The following MORN1 variants were observed in gnomAD, a reference collection of about 807,000 sequenced individuals.
The protein encoded by MORN1 is MORN repeat-containing protein 1.
In MORN1, 67 loss-of-function variants were observed where a neutral mutation model predicts 61.9. The ratio of observed to expected loss-of-function variants is 1.08; its 90% CI spans 0.89 to 1.33. The LOEUF (loss-of-function observed/expected upper bound fraction) is 1.33, where lower values mean the gene tolerates loss of function less well. MORN1 is among the 40% of genes most tolerant of loss of function. MORN1 has a pLI of 0.00. For missense variants in MORN1, 752 were observed against 691.2 expected, an observed-to-expected ratio of 1.09 and a Z score of -0.99; for synonymous variants, 301 against 292.0, an observed-to-expected ratio of 1.03 and a Z score of -0.31.
At chr1:2,356,759 T>G (rs1387056593) in intron 10 of MORN1, among the ~76,000 whole-genome samples, 4 of 152,188 alleles carry the variant, frequency 2.6e-5, no homozygotes, top group African/African-American at 9.7e-5. Context: ...CACTGCTCAC[T>G]GCACAGGAGG....
chr1:2,325,140 C>CTCCCTCCCTTCCTTCCTTCCCTTCCT (rs1640986618), intron 12 of MORN1, among the ~76,000 whole-genome samples: 2 of 6,692 alleles, frequency 3.0e-4, no homozygotes, highest in Non-Finnish European at 4.9e-4. Context: ...CCTTCCCTCC[C>CTCCCTCCCTTCCTTCCTTCCCTTCCT]TCCCTCCCTT....
chr1:2,363,374 A>C (rs866468952), intron 8 of MORN1: 4 of 152,190 alleles, frequency 2.6e-5, no homozygotes, highest in African/African-American at 9.7e-5. Context: ...TTCCTCCTCC[A>C]ATACATTTAT....
At chr1:2,344,990 C>T (rs111790280) in intron 10 of MORN1, among the ~76,000 whole-genome samples, 6,079 of 151,816 alleles carry the variant, frequency 0.04, 398 homozygotes, top group African/African-American at 0.14. Flanking sequence ...ACCCTGAAAA[C>T]GGCGTCAGCC....
rs1450671032 is a variant in MORN1, at chr1:2,327,424, A to ACAGAAACACAGCGACG, written c.1251-3297_1251-3282dup. On this transcript the variant is annotated intron_variant, in intron 12 of 13. Transcript: ENST00000378531. ...GAAACAAACACAGAGACACAGAGAC[A>ACAGAAACACAGCGACG]CAGAAACACAGCGACGCAGAAACAC... Among the ~76,000 whole-genome samples, 56 of 152,358 alleles carry ACAGAAACACAGCGACG rather than the reference A, an allele frequency of 3.7e-4. 1 individual carries two copies. Among genetic ancestry groups the ACAGAAACACAGCGACG allele is most frequent in the Middle Eastern group, 3.4e-3 (1 of 294 alleles).
At chr1:2,369,443 T>TA (rs957656902) in intron 8 of MORN1, among the ~76,000 whole-genome samples, 10 of 150,874 alleles carry the variant, frequency 6.6e-5, no homozygotes, top group African/African-American at 2.4e-4. Flanking sequence ...TTGCTGGAGG[T>TA]AATGTAAAAA....
rs780195999 is a variant in MORN1 at position 2,337,335 on chromosome 1, C to T, written c.1037-485G>A. The stretch of plus-strand genomic sequence containing the variant: ...GGCGTCAGGACCCGTTCTCCACAGG[C>T]GTGGAGGGAGACACCGAGGGTGGCT... On this transcript the variant is annotated intron_variant, in intron 10 of 13. Transcript: ENST00000378531. The surrounding 1 kb of genome is among the most constrained non-coding windows in gnomAD (Gnocchi z 5.7). Among the ~76,000 whole-genome samples, 7 of 152,158 alleles carry T rather than the reference C, an allele frequency of 4.6e-5. No individual in the cohort carries two copies. Among genetic ancestry groups the T allele is most frequent in the Non-Finnish European group, 8.8e-5 (6 of 68,008 alleles).
chr1:2,321,997 C>T, intron 13 of MORN1: 1 of 981,660 alleles, frequency 1.0e-6, no homozygotes. Context: ...TTCATTCCCT[C>T]CATAAACTGT....
intron 2 of MORN1, chr1:2,388,609 C>CGAGA: frequency 2.8e-6 from 1 of 350,894 alleles, no homozygotes; most frequent in Non-Finnish European, 5.2e-6. Context: ...GAGACCCCGT[C>CGAGA]TCTACACAAA....
In MORN1 at chr1:2,324,149, G is replaced by A. The variant is rs892827103; in HGVS notation, c.1251-6C>T. 6 of 1,596,348 alleles carry A rather than the reference G, an allele frequency of 3.8e-6. No homozygotes were observed. Among genetic ancestry groups the A allele is most frequent in the South Asian group, 2.3e-5 (2 of 88,390 alleles). On this transcript the variant is annotated splice_region_variant and splice_polypyrimidine_tract_variant and intron_variant, in intron 12 of 13. Coordinates refer to ENST00000378531, the MANE Select transcript of MORN1 (RefSeq NM_024848.3). ...CCGTGGCTCTCCCCTCAGGCCTGTG[G>A]AGACGACACAGTGAGGCCCCTGAAT...
intron 10 of MORN1, among the ~76,000 whole-genome samples, chr1:2,342,164 C>T (rs1355098386): frequency 6.6e-6 from 1 of 152,296 alleles, no homozygotes; most frequent in Non-Finnish European, 1.5e-5. Context: ...AGAGGCTGAG[C>T]CAGCCCGGGA....
Position 2,391,481 on chromosome 1 carries a change from G to A in MORN1, c.53C>T (p.Pro18Leu), listed in dbSNP as rs1238121371. 1.0e-5 allele frequency: 13 copies of A among 1,254,622 alleles called. No individual in the cohort carries two copies. In the East Asian group the frequency reaches 3.5e-4, roughly 33 times the overall value. 77.7% of individuals were successfully genotyped at this position (1,254,622 alleles called of 1,614,324 possible). The change falls in exon 1 of 14, where the codon CCG becomes CTG. Residue 18 changes from proline to leucine, a missense_variant. Coordinates refer to ENST00000378531, the MANE Select transcript of MORN1 (RefSeq NM_024848.3). Reference protein sequence around the residue: ...TPSSRGPRRDPPRRPPRNGYG... With the variant: ...TPSSRGPRRDLPRRPPRNGYG... ...ACCGTTCCGGGGCGGCCGCCTAGGCGGGTCCCGACGCGGCCCGCGGGAGCT... is the reference window on the plus strand; with the variant it reads ...ACCGTTCCGGGGCGGCCGCCTAGGCAGGTCCCGACGCGGCCCGCGGGAGCT...
chr1:2,323,353 G>C (rs1352705670), intron 13 of MORN1: 1 of 985,444 alleles, frequency 1.0e-6, no homozygotes, highest in Non-Finnish European at 1.2e-6. Context: ...AGCGGGTCCA[G>C]ACCTTCCAGC....
chr1:2,329,766 C>G (rs1641107392), intron 12 of MORN1, among the ~76,000 whole-genome samples: 1 of 152,228 alleles, frequency 6.6e-6, no homozygotes, highest in Non-Finnish European at 1.5e-5. Context: ...TGTCGAGGGT[C>G]TATTTCAGAT....
At chr1:2,385,300 C>T in intron 5 of MORN1, 1 of 570,516 alleles carries the variant, frequency 1.8e-6, no homozygotes, top group Non-Finnish European at 3.1e-6. Context: ...TCGGGACGCA[C>T]TCAGCTTCCG....
chr1:2,332,911 T>C (rs558178711), intron 12 of MORN1, among the ~76,000 whole-genome samples: 19 of 152,078 alleles, frequency 1.2e-4, no homozygotes, highest in Non-Finnish European at 2.6e-4. Context: ...GGGCTGGGGC[T>C]CCGTGACCTC....
Position 2,362,910 on chromosome 1 carries a change from C to T in MORN1, c.746-4195G>A, listed in dbSNP as rs114820209. 9.5e-3 allele frequency among the ~76,000 whole-genome samples: 1,445 copies of T among 151,902 alleles called. 7 individuals carry two copies. Among genetic ancestry groups the T allele is most frequent in the Non-Finnish European group, 0.015 (992 of 67,972 alleles). On this transcript the variant is annotated intron_variant, in intron 8 of 13. Coordinates refer to ENST00000378531, the MANE Select transcript of MORN1 (RefSeq NM_024848.3). ...CAAGATGTTTCCAGACATACAAAAG[C>T]GGAAAGAATTCATCACTAGCAAACC...
At chr1:2,383,388 C>T (rs1399579661) in intron 6 of MORN1, among the ~76,000 whole-genome samples, 1 of 152,166 alleles carries the variant, frequency 6.6e-6, no homozygotes, top group Admixed American at 6.5e-5. Context: ...GAAAACCTCT[C>T]TACCACCTGG....
chr1:2,321,570 A>G lies in MORN1; in HGVS notation c.1307T>C (p.Val436Ala). The G allele has an allele frequency of 1.3e-6, 2 of 1,507,894 alleles. No homozygotes were observed. The highest frequency in any genetic ancestry group is 1.8e-6 in the Non-Finnish European group (2 of 1,125,642). 93.4% of individuals were successfully genotyped at this position (1,507,894 alleles called of 1,614,324 possible). Residue 436 changes from valine (V) to alanine (A), a missense_variant, in exon 14 of 14, where the codon GTG (valine) becomes GCG (alanine). Physicochemically the swap from Val to Ala is moderately conservative, Grantham distance 64. Coordinates refer to ENST00000378531, the MANE Select transcript of MORN1 (RefSeq NM_024848.3). Reference sequence around the variant, plus strand: ...GGTGGTCACGTCGCGGATCATGAGCACGTACTCCCCTGCAAGGGGCGGGTG... The same window carrying G: ...GGTGGTCACGTCGCGGATCATGAGCGCGTACTCCCCTGCAAGGGGCGGGTG... ...QAAAAHLGEY[V>A]LMIRDVTTPP...
chr1:2,382,434 A>C (rs1470648797), intron 6 of MORN1, among the ~76,000 whole-genome samples: 3 of 152,194 alleles, frequency 2.0e-5, no homozygotes. Flanking sequence ...CCTGGCACCC[A>C]GGAAGTGAAA....
Sources: allele counts gnomAD v4.1 joint callset (sites outside exome capture counted in the v4.1 genomes callset), GRCh38; gene constraint gnomAD v4.1.1; non-coding constraint Gnocchi (gnomAD v3.1); transcripts MANE v1.5; gene names NCBI Gene and HGNC (gene_info 2026-07-23, HGNC 2026-07-21).